The following DCDC1 variants were observed in gnomAD, a reference collection of about 807,000 sequenced individuals.
The protein encoded by DCDC1 is doublecortin domain containing 1, also known as doublecortin domain-containing protein 1.
Under a neutral mutation model 178.3 loss-of-function variants are expected in DCDC1, and 200 were observed. The ratio of observed to expected loss-of-function variants is 1.12; its 90% confidence interval spans 1.00 to 1.26. The LOEUF (loss-of-function observed/expected upper bound fraction) is 1.26, where lower values mean the gene tolerates loss of function less well. DCDC1 is among the 50% of genes most tolerant of loss of function. The pLI is 0.00. For missense variants in DCDC1, 1,983 were observed against 1,749.2 expected, an observed-to-expected ratio of 1.13 and a Z score of -2.38; for synonymous variants, 690 against 604.8, an observed-to-expected ratio of 1.14 and a Z score of -2.07.
intron 4 of DCDC1, 90 bp downstream of exon 4, chr11:31,307,549 C>T: frequency 1.3e-6 from 2 of 1,499,580 alleles, no homozygotes; most frequent in South Asian, 1.3e-5. Context: ...ATTTTAATGT[C>T]TGAGATAGTC....
intron 3 of DCDC1, among the ~76,000 whole-genome samples, chr11:31,312,261 T>C (rs182153278): frequency 8.5e-5 from 13 of 152,338 alleles, no homozygotes. Context: ...ATAGCATTTA[T>C]GTCAGACACT....
In DCDC1 at chr11:30,864,234, G is replaced by A. The variant is rs1940820561; in HGVS notation, c.*1139C>T. On this transcript the variant is annotated 3_prime_UTR_variant, in exon 39 of 39. Transcript: ENST00000684477. ...CTTGAGAACTGCTTCATGATTGCCTGTCGAAGTCTCAAATGTTGTCAATTC... is the reference window on the plus strand; with the variant it reads ...CTTGAGAACTGCTTCATGATTGCCTATCGAAGTCTCAAATGTTGTCAATTC... The A allele has an allele frequency of 1.3e-5, 2 of 152,176 alleles. No homozygotes were observed. The highest frequency in any genetic ancestry group is 2.4e-5 in the African/African-American group (1 of 41,442). The allele number at this position is 152,176 out of a possible 1,614,324, so 9.4% of individuals were successfully genotyped here. A position where few individuals can be genotyped will look rare whatever the true frequency, so the allele number is the denominator to read the frequency against.
chr11:31,305,884 A>C (rs1036357432), intron 5 of DCDC1, 107 bp from the exon 6 acceptor site: 1 of 1,255,724 alleles, frequency 8.0e-7, no homozygotes, highest in African/African-American at 1.5e-5. Flanking sequence ...CAATTGAGTC[A>C]CTTGCCAATA....
At chr11:31,253,754 G>T (rs1184156773) in intron 8 of DCDC1, among the ~76,000 whole-genome samples, 1 of 152,100 alleles carries the variant, frequency 6.6e-6, no homozygotes, top group Non-Finnish European at 1.5e-5. Flanking sequence ...CTAAATTTTG[G>T]GATAATTTGT....
chr11:31,106,722 G>T, intron 13 of DCDC1, 75 bp downstream of exon 13: 1 of 731,708 alleles, frequency 1.4e-6, no homozygotes, highest in South Asian at 1.5e-5. Context: ...GGTGCTACTT[G>T]ACTTCTCAAA....
chr11:30,958,440 G>A (rs1948894850), intron 20 of DCDC1, among the ~76,000 whole-genome samples: 1 of 152,066 alleles, frequency 6.6e-6, no homozygotes, highest in African/African-American at 2.4e-5. Context: ...TATGGCAAAG[G>A]ATGTGCAATA....
chr11:30,880,852 C>T (rs961606382), intron 37 of DCDC1, among the ~76,000 whole-genome samples: 1 of 152,096 alleles, frequency 6.6e-6, no homozygotes, highest in Admixed American at 6.6e-5. Flanking sequence ...ATTAGTGGAG[C>T]TTCACTTTCC....
intron 13 of DCDC1, among the ~76,000 whole-genome samples, chr11:31,106,432 G>T (rs1235193591): frequency 6.6e-6 from 1 of 152,190 alleles, no homozygotes; most frequent in Non-Finnish European, 1.5e-5. Context: ...ATAGAGGAGT[G>T]GAAGCAGGTC....
At chr11:31,133,392 G>T (rs1962698638) in intron 10 of DCDC1, among the ~76,000 whole-genome samples, 1 of 152,184 alleles carries the variant, frequency 6.6e-6, no homozygotes, top group Non-Finnish European at 1.5e-5. Context: ...TTAAGATCAG[G>T]AAACTTTCTA....
chr11:31,289,547 C>A (rs1947073224), intron 7 of DCDC1, among the ~76,000 whole-genome samples: 1 of 151,894 alleles, frequency 6.6e-6, no homozygotes, highest in Admixed American at 6.6e-5. Context: ...AGTATCTAGT[C>A]AACTATTCAC....
intron 9 of DCDC1, among the ~76,000 whole-genome samples, chr11:31,178,542 C>A (rs1968366707): frequency 6.6e-6 from 1 of 152,068 alleles, no homozygotes; most frequent in African/African-American, 2.4e-5. Flanking sequence ...AACTAAAAAG[C>A]TTTTCCACAG....
At chr11:31,223,740 T>C (rs1169549838) in intron 9 of DCDC1, among the ~76,000 whole-genome samples, 1 of 152,120 alleles carries the variant, frequency 6.6e-6, no homozygotes, top group Non-Finnish European at 1.5e-5. Context: ...ATGTTGCAAG[T>C]GCAGAGTGAC....
intron 11 of DCDC1, among the ~76,000 whole-genome samples, chr11:31,112,678 G>T (rs1467127215): frequency 6.6e-6 from 1 of 152,096 alleles, no homozygotes; most frequent in Non-Finnish European, 1.5e-5. Context: ...GTAGAAATAG[G>T]AATAAGTTAC....
chr11:31,008,182 T>C (rs1050877183), intron 20 of DCDC1, among the ~76,000 whole-genome samples: 1 of 151,862 alleles, frequency 6.6e-6, no homozygotes, highest in Non-Finnish European at 1.5e-5. Context: ...GGAGGGGGGA[T>C]TATGTGGATT....
intron 15 of DCDC1, among the ~76,000 whole-genome samples, chr11:31,100,787 T>C (rs1470907483): frequency 6.6e-6 from 1 of 152,198 alleles, no homozygotes; most frequent in East Asian, 1.9e-4. Context: ...GAACTTCAAA[T>C]GGCAACAGCC....
chr11:31,112,607 A>G (rs1053120880), intron 11 of DCDC1, among the ~76,000 whole-genome samples: 20 of 152,168 alleles, frequency 1.3e-4, no homozygotes, highest in African/African-American at 4.8e-4. Context: ...CATAGAACCT[A>G]AAAAATCATG....
chr11:31,333,193 A>G lies in DCDC1; in HGVS notation c.-7+2254T>C, dbSNP rs994259387. ...TTTAAAGTCTGTTTTATCAGAGACT[A>G]GGTTTGCAACCCCTGCTCTTTTTTT... On this transcript the variant is annotated intron_variant, in intron 2 of 38. Transcript: ENST00000684477. Among the ~76,000 whole-genome samples the G allele has an allele frequency of 4.6e-5, 7 of 152,186 alleles. No homozygotes were observed. The East Asian group carries it at 1.3e-3, about 29-fold the overall frequency.
chr11:31,037,927 TCA>T lies in DCDC1; in HGVS notation c.2591+26540_2591+26541del, dbSNP rs1377966225. ...CAGAGAGCAGAAGTAGAAATTTGGT[TCA>T]GTTAATGAATTTAAGTCTTATTGTT... On this transcript the variant is annotated intron_variant, in intron 20 of 38. Coordinates refer to ENST00000684477, the MANE Select transcript of DCDC1 (RefSeq NM_001387274.1). Among the ~76,000 whole-genome samples, 12 of 152,136 alleles carry T rather than the reference TCA, an allele frequency of 7.9e-5. No homozygotes were observed. The East Asian group carries it at 1.9e-3, about 25-fold the overall frequency.
At chr11:31,262,818 T>C in intron 8 of DCDC1, 1 of 404,430 alleles carries the variant, frequency 2.5e-6, no homozygotes, top group Non-Finnish European at 4.4e-6. Flanking sequence ...ACTAGGGTGC[T>C]ACAGACTGGA....
Sources: allele counts gnomAD v4.1 joint callset (sites outside exome capture counted in the v4.1 genomes callset), GRCh38; gene constraint gnomAD v4.1.1; transcripts MANE v1.5; gene names NCBI Gene and HGNC (gene_info 2026-07-23, HGNC 2026-07-21).